Variants in MAF observed in about 807,000 individuals in gnomAD.
MAF encodes the protein transcription factor Maf.
Under a neutral mutation model 22.0 loss-of-function variants are expected in MAF, and 10 were observed. The observed-to-expected ratio is 0.45, with a 90% CI of 0.28 to 0.77. The LOEUF is 0.77. MAF is among the 30% of genes least tolerant of loss of function. MAF has a pLI of 0.12. For synonymous variants in MAF, 337 were observed against 255.8 expected (o/e 1.32, Z -3.03); for missense variants, 544 against 548.4 (o/e 0.99, Z 0.08).
the MAF span, among the ~76,000 whole-genome samples, chr16:79,209,518 G>A: frequency 7.9e-5 from 12 of 152,268 alleles, no homozygotes; most frequent in East Asian, 9.7e-4. Flanking sequence ...CATAGAGGGC[G>A]GGAGGCTGGA....
chr16:79,327,454 G>A, the MAF span, among the ~76,000 whole-genome samples: 3 of 152,112 alleles, frequency 2.0e-5, no homozygotes, highest in African/African-American at 7.2e-5. Flanking sequence ...GTCTGGGGAT[G>A]GCAGTGTCCA....
chr16:79,527,354 A>C, the MAF span, among the ~76,000 whole-genome samples: 1 of 152,196 alleles, frequency 6.6e-6, no homozygotes, highest in South Asian at 2.1e-4. Flanking sequence ...AAAGAAAGCA[A>C]TCAACTCCCC....
chr16:79,481,021 T>G, the MAF span, among the ~76,000 whole-genome samples: 2 of 152,176 alleles, frequency 1.3e-5, no homozygotes, highest in Non-Finnish European at 2.9e-5. Context: ...TTCATTACCC[T>G]TAACACAACC....
At chr16:79,366,347 T>C in the MAF span, among the ~76,000 whole-genome samples, 1 of 152,236 alleles carries the variant, frequency 6.6e-6, no homozygotes, top group African/African-American at 2.4e-5. Context: ...GGTTAGAGCC[T>C]AAAAATGTAG....
the MAF span, among the ~76,000 whole-genome samples, chr16:79,542,393 A>G: frequency 6.6e-6 from 1 of 152,064 alleles, no homozygotes; most frequent in Non-Finnish European, 1.5e-5. Flanking sequence ...TGCCTGTTGG[A>G]TTAGATAGAG....
At chr16:79,343,749 C>T in the MAF span, among the ~76,000 whole-genome samples, 3 of 152,172 alleles carry the variant, frequency 2.0e-5, no homozygotes, top group African/African-American at 7.2e-5. Flanking sequence ...ATTCTTCCTG[C>T]TACAAACAGG....
chr16:79,246,174 T>A, the MAF span, among the ~76,000 whole-genome samples: 1 of 152,108 alleles, frequency 6.6e-6, no homozygotes, highest in Non-Finnish European at 1.5e-5. Flanking sequence ...ACCTGCACAT[T>A]CTGCGCATGT....
the MAF span, among the ~76,000 whole-genome samples, chr16:79,565,068 C>T: frequency 6.6e-6 from 1 of 152,128 alleles, no homozygotes; most frequent in African/African-American, 2.4e-5. Context: ...AACAGCTTTG[C>T]AAGGGCACCT....
chr16:79,203,231 T>C, the MAF span: 4 of 152,174 alleles, frequency 2.6e-5, no homozygotes, highest in Non-Finnish European at 5.9e-5. Context: ...GTAATATAAA[T>C]GAGACACTCT....
At chr16:79,586,148 G>A (rs1303900184) in intron 1 of MAF, among the ~76,000 whole-genome samples, 2 of 152,154 alleles carry the variant, frequency 1.3e-5, no homozygotes, top group African/African-American at 2.4e-5. Flanking sequence ...GGAATGGCCT[G>A]CGTTACAAGT....
At chr16:79,326,656 G>A in the MAF span, among the ~76,000 whole-genome samples, 33 of 152,306 alleles carry the variant, frequency 2.2e-4, no homozygotes, top group East Asian at 5.6e-3. Flanking sequence ...TGTTGCAACT[G>A]TTTAACTCTG....
At chr16:79,474,005 T>C in the MAF span, among the ~76,000 whole-genome samples, 2 of 151,972 alleles carry the variant, frequency 1.3e-5, no homozygotes, top group African/African-American at 4.8e-5. Context: ...GGGATGAGCA[T>C]TCTTATGTCT....
chr16:79,331,912 A>G, the MAF span, among the ~76,000 whole-genome samples: 49 of 152,330 alleles, frequency 3.2e-4, no homozygotes, highest in African/African-American at 1.2e-3. Flanking sequence ...CAACCAGTAC[A>G]GTGGCATCCT....
At chr16:79,253,752 C>G in the MAF span, among the ~76,000 whole-genome samples, 1 of 152,204 alleles carries the variant, frequency 6.6e-6, no homozygotes, top group Non-Finnish European at 1.5e-5. Context: ...CTGATCGTCT[C>G]TAGCTCCTTC....
the MAF span, among the ~76,000 whole-genome samples, chr16:79,312,516 C>G: frequency 3.9e-5 from 6 of 152,358 alleles, no homozygotes; most frequent in Admixed American, 3.9e-4. Flanking sequence ...CACAGACTGA[C>G]TCCAAAACAG....
chr16:79,526,932 A>G, the MAF span, among the ~76,000 whole-genome samples: 1 of 152,232 alleles, frequency 6.6e-6, no homozygotes, highest in African/African-American at 2.4e-5. Context: ...TTATTTTCAA[A>G]TAGAATTGAT....
At chr16:79,579,224 G>A in the MAF span, among the ~76,000 whole-genome samples, 1,355 of 152,300 alleles carry the variant, frequency 8.9e-3, 24 homozygotes, top group African/African-American at 0.031. Flanking sequence ...TGTGAATTAT[G>A]AATGGAGTTT....
chr16:79,378,957 A>G, the MAF span, among the ~76,000 whole-genome samples: 3 of 152,208 alleles, frequency 2.0e-5, no homozygotes, highest in Non-Finnish European at 2.9e-5. Flanking sequence ...ATCAATACCT[A>G]TTTTAATTTG....
chr16:79,207,080 A>G, the MAF span, among the ~76,000 whole-genome samples: 1 of 152,158 alleles, frequency 6.6e-6, no homozygotes. Context: ...GGGGAGTGTT[A>G]CTGGGAGACA....
Sources: gnomAD v4.1 joint callset for allele counts (sites outside exome capture counted in the v4.1 genomes callset) on GRCh38, gnomAD v4.1.1 for gene constraint, MANE v1.5 for transcripts, NCBI Gene and HGNC (gene_info 2026-07-23, HGNC 2026-07-21) for gene names.